ROBO2: variants seen among roughly 807,000 people sequenced by gnomAD.
ROBO2 encodes roundabout guidance receptor 2, also known as roundabout homolog 2.
In ROBO2, 53 loss-of-function variants were observed where a neutral mutation model predicts 160.8. The ratio of observed to expected loss-of-function variants is 0.33; its 90% CI spans 0.26 to 0.41. The LOEUF is 0.41. Ranked by LOEUF, ROBO2 falls within the 10% of genes least tolerant of loss-of-function variation. ROBO2 has a pLI of 1.00. For missense variants in ROBO2, 1,577 were observed against 1,722.4 expected (o/e 0.92, Z 1.49); for synonymous variants, 664 against 611.7 (o/e 1.09, Z -1.26).
chr3:77,593,396 T>TG (rs941769951), intron 17 of ROBO2, among the ~76,000 whole-genome samples: 3 of 152,214 alleles, frequency 2.0e-5, no homozygotes, highest in Non-Finnish European at 4.4e-5. Context: ...GGGCACAATG[T>TG]GGGACAGATG....
chr3:76,103,025 A>G (rs991921820), intron 2 of ROBO2, among the ~76,000 whole-genome samples: 12 of 151,976 alleles, frequency 7.9e-5, no homozygotes, highest in Middle Eastern at 3.2e-3. Context: ...GGGTTTCACC[A>G]TGTTAGCCAG....
At chr3:77,557,005 G>A (rs143935845) in intron 8 of ROBO2, among the ~76,000 whole-genome samples, 135 of 151,566 alleles carry the variant, frequency 8.9e-4, no homozygotes, top group Middle Eastern at 3.4e-3. Flanking sequence ...TCTTACCTCC[G>A]GTCAACTCTA....
chr3:76,983,701 A>G (rs914536584), intron 2 of ROBO2, among the ~76,000 whole-genome samples: 1 of 152,202 alleles, frequency 6.6e-6, no homozygotes, highest in Non-Finnish European at 1.5e-5. Flanking sequence ...TAGACAATAG[A>G]GTGATTTTAC....
At chr3:76,701,061 G>A (rs1007337685) in intron 2 of ROBO2, among the ~76,000 whole-genome samples, 1 of 152,054 alleles carries the variant, frequency 6.6e-6, no homozygotes. Context: ...GGAAAAGCAA[G>A]TGATCTAGTT....
At chr3:76,780,785 T>G (rs529835742) in intron 2 of ROBO2, among the ~76,000 whole-genome samples, 1 of 150,984 alleles carries the variant, frequency 6.6e-6, no homozygotes, top group East Asian at 2.0e-4. Flanking sequence ...TATCTGTTTC[T>G]ATGCCAGTAC....
intron 2 of ROBO2, among the ~76,000 whole-genome samples, chr3:77,235,280 G>A (rs2087794500): frequency 6.6e-6 from 1 of 151,954 alleles, no homozygotes; most frequent in African/African-American, 2.4e-5. Flanking sequence ...TCTATAAAAT[G>A]AAGAATTGCT....
intron 2 of ROBO2, among the ~76,000 whole-genome samples, chr3:77,371,895 C>T (rs560710354): frequency 6.6e-6 from 1 of 152,258 alleles, no homozygotes; most frequent in South Asian, 2.1e-4. Context: ...TAAATTGCTG[C>T]AGTAGTCACT....
At chr3:76,271,767 C>T (rs138945574) in intron 2 of ROBO2, among the ~76,000 whole-genome samples, 11,421 of 151,744 alleles carry the variant, frequency 0.075, 725 homozygotes, top group African/African-American at 0.16. Context: ...CCTCTCCTCA[C>T]AAACATAAAC....
At chr3:77,093,983 G>A (rs1051871906) in intron 1 of ROBO2, among the ~76,000 whole-genome samples, 1 of 151,812 alleles carries the variant, frequency 6.6e-6, no homozygotes, top group African/African-American at 2.4e-5. Flanking sequence ...AAAAATTGCT[G>A]GAGATATAAT....
intron 2 of ROBO2, among the ~76,000 whole-genome samples, chr3:76,449,686 A>G (rs1039458417): frequency 2.0e-5 from 3 of 152,130 alleles, no homozygotes; most frequent in Non-Finnish European, 4.4e-5. Context: ...TGCATTATCT[A>G]TGATATAATC....
At chr3:77,258,718 C>A (rs1227820552) in intron 2 of ROBO2, among the ~76,000 whole-genome samples, 1 of 152,064 alleles carries the variant, frequency 6.6e-6, no homozygotes, top group African/African-American at 2.4e-5. Flanking sequence ...AATTCCACCT[C>A]ATCTTCAAAG....
chr3:76,141,996 A>G (rs1363315183), intron 2 of ROBO2, among the ~76,000 whole-genome samples: 1 of 152,036 alleles, frequency 6.6e-6, no homozygotes, highest in Non-Finnish European at 1.5e-5. Context: ...GTAAAATAAT[A>G]CCTACATAGG....
intron 2 of ROBO2, among the ~76,000 whole-genome samples, chr3:76,758,067 A>C (rs2061084193): frequency 6.6e-6 from 1 of 151,830 alleles, no homozygotes; most frequent in Admixed American, 6.6e-5. Flanking sequence ...ATATACTCTA[A>C]TATTTCATTA....
chr3:76,399,019 A>G (rs2077654463), intron 2 of ROBO2, among the ~76,000 whole-genome samples: 1 of 151,682 alleles, frequency 6.6e-6, no homozygotes, highest in Non-Finnish European at 1.5e-5. Flanking sequence ...TGAACATACA[A>G]CTCTGTAGAG....
intron 2 of ROBO2, among the ~76,000 whole-genome samples, chr3:76,121,693 A>C (rs2070760023): frequency 6.6e-6 from 1 of 152,090 alleles, no homozygotes; most frequent in Admixed American, 6.5e-5. Flanking sequence ...CCTGGAGAAA[A>C]ACTCATCTGA....
intron 2 of ROBO2, among the ~76,000 whole-genome samples, chr3:77,386,355 A>G (rs909278010): frequency 6.6e-6 from 1 of 152,192 alleles, no homozygotes; most frequent in African/African-American, 2.4e-5. Flanking sequence ...TTAAAAAAAG[A>G]TACCAGTGGA....
chr3:76,818,125 A>G (rs918712908), intron 2 of ROBO2, among the ~76,000 whole-genome samples: 1 of 151,874 alleles, frequency 6.6e-6, no homozygotes, highest in Non-Finnish European at 1.5e-5. Flanking sequence ...CAGCGGTGTA[A>G]AAGTGTTTCC....
intron 2 of ROBO2, among the ~76,000 whole-genome samples, chr3:76,568,423 G>C (rs2084740858): frequency 6.6e-6 from 1 of 151,170 alleles, no homozygotes; most frequent in Non-Finnish European, 1.5e-5. Context: ...TCAACCTCCC[G>C]AGTAGCTGGG....
chr3:77,632,559 T>C (rs1471794329), intron 23 of ROBO2: 6 of 1,535,904 alleles, frequency 3.9e-6, no homozygotes, highest in Admixed American at 3.9e-5. Context: ...GCTCCTCAGA[T>C]GGCTCTATCT....
Sources: allele counts gnomAD v4.1 joint callset (sites outside exome capture counted in the v4.1 genomes callset), GRCh38; gene constraint gnomAD v4.1.1; transcripts MANE v1.5; gene names NCBI Gene and HGNC (gene_info 2026-07-23, HGNC 2026-07-21).